Variants in RFXANK observed in about 807,000 individuals in gnomAD.
RFXANK encodes regulatory factor X associated ankyrin containing protein, also known as DNA-binding protein RFXANK.
A neutral mutation model predicts 34.5 loss-of-function variants in RFXANK; 19 were observed. The observed-to-expected ratio is 0.55, with a 90% CI of 0.38 to 0.81. The LOEUF (loss-of-function observed/expected upper bound fraction) is 0.81, where lower values mean the gene tolerates loss of function less well. RFXANK is among the 30% of genes least tolerant of loss of function. RFXANK has a pLI of 0.00. For synonymous variants in RFXANK, 154 were observed against 149.8 expected, an observed-to-expected ratio of 1.03 and a Z score of -0.20; for missense variants, 295 against 343.5, an observed-to-expected ratio of 0.86 and a Z score of 1.12.
Position 19,194,051 on chromosome 19 carries a change from A to G in RFXANK, c.105A>G (p.Ser35=). Residue 35 remains serine, a synonymous_variant, in exon 3 of 10, where the codon TCA becomes TCG. Coordinates refer to ENST00000303088, the MANE Select transcript of RFXANK (RefSeq NM_003721.4). ...EDPGEEAADG[S]DTVVLSLFPC... ...CCGGAGAGGAGGCTGCAGATGGCTC[A>G]GACACTGTGGTCCTCAGTCTCTTTC... 6.2e-7 allele frequency: 1 copy of G among 1,614,174 alleles called. No individual in the cohort carries two copies. The highest frequency in any genetic ancestry group is 1.1e-5 in the South Asian group (1 of 91,082).
At chr19:19,199,658 T>C (rs2060666048) in intron 9 of RFXANK, among the ~76,000 whole-genome samples, 1 of 151,774 alleles carries the variant, frequency 6.6e-6, no homozygotes, top group Non-Finnish European at 1.5e-5. Flanking sequence ...GAGAATGGCA[T>C]CCAGGTGGGA....
At position 19,197,615 on chromosome 19, in the gene RFXANK, G is replaced by A; in HGVS notation, c.432G>A (p.Leu144=). 1 of 1,613,668 alleles carries A rather than the reference G, an allele frequency of 6.2e-7. No individual in the cohort carries two copies. Among genetic ancestry groups the A allele is most frequent in the South Asian group, 1.1e-5 (1 of 91,058 alleles). Residue 144 remains leucine (L), a synonymous_variant, in exon 6 of 10, where the codon CTG becomes CTA. Coordinates refer to ENST00000303088, the MANE Select transcript of RFXANK (RefSeq NM_003721.4). Reference sequence around the variant, plus strand: ...AGATTGAGACCGTTCGCTTCCTGCTGGAGTGGGTGCGTCCCAGCCCAGCTG... The same window carrying A: ...AGATTGAGACCGTTCGCTTCCTGCTAGAGTGGGTGCGTCCCAGCCCAGCTG... ...FGEIETVRFL[L]EWGADPHILA... is the part of the protein sequence containing the mutation.
intron 9 of RFXANK, chr19:19,201,366 C>T: frequency 9.2e-7 from 1 of 1,089,010 alleles, no homozygotes; most frequent in Non-Finnish European, 1.3e-6. Context: ...GTGTGAGCCA[C>T]CATGCCCAGG....
chr19:19,197,523 GACAACCTCGTCA>G lies in RFXANK; in HGVS notation c.345_356del (p.Asn115_Asn118del). On this transcript the variant is annotated inframe_deletion, in exon 6 of 10. Coordinates refer to ENST00000303088, the MANE Select transcript of RFXANK (RefSeq NM_003721.4). ...TATTGCCCGCCTCCTCCTGCCAGGT[GACAACCTCGTCA>G]ACAAGCCAGACGAGCGCGGCTTCAC... is the stretch of plus-strand genomic sequence containing the variant. The G allele has an allele frequency of 6.2e-7, 1 of 1,613,700 alleles. No individual in the cohort carries two copies. Among genetic ancestry groups the G allele is most frequent in the Non-Finnish European group, 8.5e-7 (1 of 1,179,958 alleles).
At position 19,201,795 on chromosome 19, in the gene RFXANK, C is replaced by CA. The variant is rs2060724324; in HGVS notation, c.*79dup. On this transcript the variant is annotated 3_prime_UTR_variant, in exon 10 of 10. Transcript: ENST00000303088. ...AGCTGGGGAAACCCAGAACTGACTT[C>CA]AAAGGCAGCTTCTGGACAGGTGGTG... is the stretch of plus-strand genomic sequence containing the variant. The CA allele has an allele frequency of 2.1e-5, 34 of 1,613,026 alleles. No homozygotes were observed. The highest frequency in any genetic ancestry group is 3.3e-5 in the Admixed American group (2 of 59,928).
chr19:19,194,818 A>T (rs1354840828), intron 3 of RFXANK, among the ~76,000 whole-genome samples: 3 of 151,662 alleles, frequency 2.0e-5, no homozygotes, highest in Non-Finnish European at 4.4e-5. Context: ...CCTGTTTTTA[A>T]CTCTTTGAGG....
chr19:19,201,702 C>T lies in RFXANK; in HGVS notation c.766C>T (p.Pro256Ser), dbSNP rs759707164. ...ILKLFQSNLV[P>S]ADPE ...CAAGCTCTTCCAGAGCAACCTGGTGCCCGCTGACCCTGAGTGAAGGCCGCC... is the reference window on the plus strand; with the variant it reads ...CAAGCTCTTCCAGAGCAACCTGGTGTCCGCTGACCCTGAGTGAAGGCCGCC... The change falls in exon 10 of 10, where the codon CCC becomes TCC. Residue 256 changes from proline (P) to serine (S), a missense_variant. By Grantham distance (74) the Pro-to-Ser change is moderately conservative (BLOSUM62 -1). Coordinates refer to ENST00000303088, the MANE Select transcript of RFXANK (RefSeq NM_003721.4). 5.7e-5 allele frequency: 92 copies of T among 1,613,974 alleles called. No individual in the cohort carries two copies. Among genetic ancestry groups the T allele is most frequent in the Non-Finnish European group, 6.6e-5 (78 of 1,180,030 alleles).
At position 19,201,767 on chromosome 19, in the gene RFXANK, C is replaced by T. The variant is rs1381374145; in HGVS notation, c.*48C>T. ...ACACTCAGGGAACAAAATGGTCAGC[C>T]AGAGCTGGGGAAACCCAGAACTGAC... is the stretch of plus-strand genomic sequence containing the variant. On this transcript the variant is annotated 3_prime_UTR_variant, in exon 10 of 10. Transcript: ENST00000303088. 1.9e-6 allele frequency: 3 copies of T among 1,613,456 alleles called. No individual in the cohort carries two copies. The East Asian group carries it at 6.7e-5, about 36-fold the overall frequency.
chr19:19,197,001 C>A lies in RFXANK; in HGVS notation c.226C>A (p.Arg76=). The change falls in exon 4 of 10, where the codon CGG becomes AGG. Residue 76 remains arginine (R), a synonymous_variant. Transcript: ENST00000303088. ...SLKHSTTLTN[R]QRGNEVSALP... is the part of the protein sequence containing the mutation. Reference sequence around the variant, plus strand: ...GAAGCACTCCACCACTCTCACCAACCGGCAGCGAGGGAACGAGGTGTCAGC... The same window carrying A: ...GAAGCACTCCACCACTCTCACCAACAGGCAGCGAGGGAACGAGGTGTCAGC... 4.3e-6 allele frequency: 7 copies of A among 1,613,312 alleles called. No homozygotes were observed. The highest frequency in any genetic ancestry group is 5.9e-6 in the Non-Finnish European group (7 of 1,180,018).
At chr19:19,199,817 T>C (rs1296152614) in intron 9 of RFXANK, among the ~76,000 whole-genome samples, 1 of 152,114 alleles carries the variant, frequency 6.6e-6, no homozygotes, top group Non-Finnish European at 1.5e-5. Flanking sequence ...GACTCCATTT[T>C]CTCTGTCACA....
Position 19,198,894 on chromosome 19 carries a change from C to T in RFXANK, c.631+171C>T, listed in dbSNP as rs1480867009. 3.1e-5 allele frequency: 24 copies of T among 784,600 alleles called. No individual in the cohort carries two copies. The Admixed American group carries it at 3.6e-4, about 12-fold the overall frequency. The allele number at this position is 784,600 out of a possible 1,614,324, so 48.6% of individuals were successfully genotyped here. On this transcript the variant is annotated intron_variant, in intron 8 of 9. Transcript: ENST00000303088. ...GAGGGGAGGAGGTGGTAGGACCACA[C>T]GGGAGTCGGGGTCTGGGTTTAGGAT... is the stretch of plus-strand genomic sequence containing the variant.
rs753338285 is a variant in RFXANK, at chr19:19,198,121, CAT to C, written c.454_455del (p.Ile152ProfsTer28). On this transcript the variant is annotated frameshift_variant, in exon 7 of 10. Coordinates refer to ENST00000303088, the MANE Select transcript of RFXANK (RefSeq NM_003721.4). LOFTEE classifies it high-confidence loss of function. ...FLLEWGADPH[I>X]LAKERESALS... Reference sequence around the variant, plus strand: ...TCTCCCTGCAGGGTGCCGACCCCCACATCCTGGCAAAAGAGCGAGAGAGCGCC... The same window carrying C: ...TCTCCCTGCAGGGTGCCGACCCCCACCCTGGCAAAAGAGCGAGAGAGCGCC... 1.2e-5 allele frequency: 19 copies of C among 1,614,036 alleles called. No individual in the cohort carries two copies. The highest frequency in any genetic ancestry group is 1.5e-5 in the Non-Finnish European group (18 of 1,180,048).
intron 9 of RFXANK, chr19:19,201,017 T>C: frequency 1.0e-5 from 2 of 200,150 alleles, no homozygotes; most frequent in South Asian, 1.5e-4. Flanking sequence ...TCAGGTGATC[T>C]CAAACTCCCG....
chr19:19,192,706 T>G (rs1234894936), intron 1 of RFXANK, 152 bp downstream of exon 1: 1 of 153,086 alleles, frequency 6.5e-6, no homozygotes, highest in Non-Finnish European at 1.5e-5. Flanking sequence ...GCAGGCGTAG[T>G]GAAATTCTCA....
chr19:19,194,695 T>C (rs543886945), intron 3 of RFXANK, among the ~76,000 whole-genome samples: 22 of 151,824 alleles, frequency 1.4e-4, no homozygotes, highest in Non-Finnish European at 2.5e-4. Flanking sequence ...GGCTAATTTT[T>C]TTTTTTTTTT....
intron 3 of RFXANK, among the ~76,000 whole-genome samples, chr19:19,195,590 C>T (rs1446807809): frequency 6.6e-6 from 1 of 151,898 alleles, no homozygotes; most frequent in African/African-American, 2.4e-5. Flanking sequence ...AGGCGTGAGC[C>T]ACCGCGCCCA....
intron 3 of RFXANK, among the ~76,000 whole-genome samples, 183 bp from the exon 4 acceptor site, chr19:19,196,780 G>T (rs1361568708): frequency 6.6e-6 from 1 of 152,004 alleles, no homozygotes; most frequent in Admixed American, 6.6e-5. Flanking sequence ...CACAAGAATC[G>T]CTTGAACCCA....
rs758964462 is a variant in RFXANK at position 19,199,196 on chromosome 19, C to A, written c.674C>A (p.Thr225Asn). ...ACCACCGAAGCCGACTCTGGCTACA[C>A]CCCGATGGACCTTGCCGTGGCCCTG... ...DLTTEADSGY[T>N]PMDLAVALGY... The change falls in exon 9 of 10, where the codon ACC (threonine) becomes AAC (asparagine). Residue 225 changes from threonine to asparagine, a missense_variant. Thr to Asn is a moderately conservative substitution (Grantham distance 65). Coordinates refer to ENST00000303088, the MANE Select transcript of RFXANK (RefSeq NM_003721.4). 1.2e-6 allele frequency: 2 copies of A among 1,614,032 alleles called. No individual in the cohort carries two copies. Among genetic ancestry groups the A allele is most frequent in the Admixed American group, 1.7e-5 (1 of 60,026 alleles).
At chr19:19,197,655 T>TC (rs1402049537) in intron 6 of RFXANK, 34 bp downstream of exon 6, 26 of 1,592,612 alleles carry the variant, frequency 1.6e-5, no homozygotes, top group Non-Finnish European at 2.2e-5. Context: ...GCTGGGGGGT[T>TC]CCCGGGGGCC....
Sources: allele counts gnomAD v4.1 joint callset (sites outside exome capture counted in the v4.1 genomes callset), GRCh38; gene constraint gnomAD v4.1.1; transcripts MANE v1.5; gene names NCBI Gene and HGNC (gene_info 2026-07-23, HGNC 2026-07-21).